DOCK3: variants seen among roughly 807,000 people sequenced by gnomAD.
DOCK3 encodes the protein dedicator of cytokinesis 3.
A neutral mutation model predicts 265.6 loss-of-function variants in DOCK3; 60 were observed. That is an observed-to-expected ratio of 0.23 (90% CI 0.18 to 0.28). DOCK3 has a LOEUF of 0.28. DOCK3 is among the 10% of genes least tolerant of loss of function. The pLI is 1.00. For synonymous variants in DOCK3, 881 were observed against 938.0 expected, an observed-to-expected ratio of 0.94 and a Z score of 1.11; for missense variants, 1,981 against 2,594.3, an observed-to-expected ratio of 0.76 and a Z score of 5.14.
intron 3 of DOCK3, among the ~76,000 whole-genome samples, chr3:50,879,963 CAGGATT>C (rs2047938494): frequency 6.6e-6 from 1 of 152,162 alleles, no homozygotes; most frequent in African/African-American, 2.4e-5. Flanking sequence ...AACTAGAACT[CAGGATT>C]AAGAAACTCA....
chr3:51,357,127 G>C lies in DOCK3; in HGVS notation c.4669G>C (p.Ala1557Pro), dbSNP rs1362512970. 7 of 1,611,994 alleles carry C rather than the reference G, an allele frequency of 4.3e-6. No individual in the cohort carries two copies. In the Admixed American group the frequency reaches 1.0e-4, roughly 23 times the overall value. ...VIDAAVNGGI[A>P]RYQEAFFDKD... ...TGATGCAGCTGTCAATGGAGGCATT[G>C]CACGCTATCAGGAGGTAAGCTGTGG... Residue 1557 changes from alanine to proline, a missense_variant, in exon 44 of 53, where the codon GCA becomes CCA. Ala to Pro is a conservative substitution (Grantham distance 27). Around this residue, in one of 4 missense-constraint regions of DOCK3, gnomAD observed 1,357 missense variants for 1,866.8 expected, o/e 0.73. Coordinates refer to ENST00000266037, the MANE Select transcript of DOCK3 (RefSeq NM_004947.5).
chr3:51,230,044 A>G (rs2090481533), intron 19 of DOCK3, among the ~76,000 whole-genome samples: 1 of 152,218 alleles, frequency 6.6e-6, no homozygotes, highest in Non-Finnish European at 1.5e-5. Flanking sequence ...ATGTTGTCTC[A>G]AATGACAAGA....
intron 7 of DOCK3, among the ~76,000 whole-genome samples, chr3:51,087,480 A>G (rs577943958): frequency 6.6e-6 from 1 of 152,232 alleles, no homozygotes; most frequent in East Asian, 1.9e-4. Flanking sequence ...TGGAAGGAAA[A>G]TACCTCAGCA....
intron 23 of DOCK3, among the ~76,000 whole-genome samples, chr3:51,270,298 C>T (rs1188250095): frequency 6.6e-6 from 1 of 152,178 alleles, no homozygotes; most frequent in African/African-American, 2.4e-5. Context: ...TTCATGGTTG[C>T]AAATGAGAAT....
chr3:51,261,232 G>A (rs2079832240), intron 23 of DOCK3, among the ~76,000 whole-genome samples: 1 of 151,818 alleles, frequency 6.6e-6, no homozygotes. Context: ...ATCTCATTGG[G>A]ACTGGCTAGA....
intron 2 of DOCK3, among the ~76,000 whole-genome samples, chr3:50,804,708 T>C (rs1223692291): frequency 2.8e-5 from 4 of 143,522 alleles, no homozygotes; most frequent in Admixed American, 2.2e-4. Flanking sequence ...AGCCTCCGCT[T>C]GGCATCAGAG....
At chr3:50,685,224 G>A (rs1190500040) in intron 1 of DOCK3, among the ~76,000 whole-genome samples, 2 of 152,116 alleles carry the variant, frequency 1.3e-5, no homozygotes, top group East Asian at 3.8e-4. Flanking sequence ...TTGAGCAGTT[G>A]GTTGTTTGAA....
At chr3:51,088,793 C>A (rs1320610482) in intron 7 of DOCK3, among the ~76,000 whole-genome samples, 1 of 152,174 alleles carries the variant, frequency 6.6e-6, no homozygotes, top group African/African-American at 2.4e-5. Flanking sequence ...TCTGCTTCTT[C>A]TCATTTCAGC....
Position 51,214,191 on chromosome 3 carries a change from T to G in DOCK3, c.1196T>G (p.Phe399Cys), listed in dbSNP as rs1294455767. ...EQIRRENPMI[F>C]NRGLAITRKL... ...ATTCGGAGAGAAAATCCCATGATAT[T>G]TAATAGGGGATTGGCAATTACAAGA... The change falls in exon 14 of 53, where the codon TTT becomes TGT. Residue 399 changes from phenylalanine (F) to cysteine (C), a missense_variant. Physicochemically the swap from Phe to Cys is radical, Grantham distance 205. This residue lies in a region of DOCK3 where 456 missense variants were observed against 539.0 expected (regional missense o/e 0.85). Transcript: ENST00000266037. 1.2e-6 allele frequency: 2 copies of G among 1,613,674 alleles called. No homozygotes were observed. Among genetic ancestry groups the G allele is most frequent in the African/African-American group, 2.7e-5 (2 of 74,898 alleles).
chr3:51,278,521 G>A, intron 26 of DOCK3: 2 of 985,400 alleles, frequency 2.0e-6, no homozygotes, highest in Non-Finnish European at 2.4e-6. Context: ...GGAGCACTCA[G>A]GGAGCAGGTA....
At chr3:51,287,794 AG>A (rs2081493145) in intron 27 of DOCK3, among the ~76,000 whole-genome samples, 2 of 152,204 alleles carry the variant, frequency 1.3e-5, no homozygotes. Context: ...ATATAACCAA[AG>A]GAAAATAAAT....
intron 9 of DOCK3, among the ~76,000 whole-genome samples, chr3:51,110,596 T>G (rs2083472587): frequency 6.6e-6 from 1 of 152,202 alleles, no homozygotes; most frequent in Non-Finnish European, 1.5e-5. Context: ...CCCATGATTA[T>G]CTCAATAGAT....
chr3:50,813,461 T>A (rs1419208820), intron 2 of DOCK3, among the ~76,000 whole-genome samples: 1 of 151,994 alleles, frequency 6.6e-6, no homozygotes, highest in Non-Finnish European at 1.5e-5. Context: ...CCCAGAAGTT[T>A]GAGGGTGCAG....
intron 9 of DOCK3, among the ~76,000 whole-genome samples, chr3:51,141,420 C>G (rs929143317): frequency 5.3e-5 from 8 of 151,234 alleles, no homozygotes; most frequent in African/African-American, 1.5e-4. Context: ...AAGATGTATA[C>G]CTATATTTTC....
intron 6 of DOCK3, among the ~76,000 whole-genome samples, chr3:51,065,184 T>C (rs1342344245): frequency 6.6e-6 from 1 of 152,184 alleles, no homozygotes; most frequent in African/African-American, 2.4e-5. Context: ...GATATATCAA[T>C]AATTGATATA....
chr3:51,165,696 A>G (rs1340359513), intron 12 of DOCK3, among the ~76,000 whole-genome samples: 2 of 152,108 alleles, frequency 1.3e-5, no homozygotes, highest in Non-Finnish European at 2.9e-5. Context: ...ATTATGTAGT[A>G]TTTGTCTTCC....
intron 9 of DOCK3, among the ~76,000 whole-genome samples, chr3:51,102,637 T>C (rs1359283181): frequency 6.6e-6 from 1 of 152,026 alleles, no homozygotes; most frequent in African/African-American, 2.4e-5. Flanking sequence ...ACAGAAGAAA[T>C]AGTGTTGTAG....
chr3:50,801,391 A>G (rs1413686602), intron 2 of DOCK3, among the ~76,000 whole-genome samples: 1 of 152,172 alleles, frequency 6.6e-6, no homozygotes, highest in Admixed American at 6.6e-5. Context: ...GGTAATTGGA[A>G]TGAGTCAGGG....
At chr3:51,372,213 G>A (rs58807639) in intron 49 of DOCK3, among the ~76,000 whole-genome samples, 3,266 of 152,280 alleles carry the variant, frequency 0.021, 125 homozygotes, top group African/African-American at 0.074. Context: ...TAAGTAATTC[G>A]TTGACACTGG....
Sources: gnomAD v4.1 joint callset for allele counts (sites outside exome capture counted in the v4.1 genomes callset) on GRCh38, gnomAD v4.1.1 for gene constraint, gnomAD v4.1.1 regional missense constraint, MANE v1.5 for transcripts, NCBI Gene and HGNC (gene_info 2026-07-23, HGNC 2026-07-21) for gene names.